The following CDH17 variants were observed in gnomAD, a reference collection of about 807,000 sequenced individuals.
CDH17 encodes cadherin-17.
CDH17 carries 67 observed loss-of-function variants against 86.3 expected under a neutral mutation model. The ratio of observed to expected loss-of-function variants is 0.78; its 90% CI spans 0.64 to 0.95. CDH17 has a LOEUF of 0.95. Ranked by LOEUF, CDH17 falls within the 40% of genes least tolerant of loss-of-function variation. The pLI is 0.00. For missense variants in CDH17, 993 were observed against 1,017.6 expected, an observed-to-expected ratio of 0.98 and a Z score of 0.33; for synonymous variants, 367 against 366.4, an observed-to-expected ratio of 1.00 and a Z score of -0.02.
chr8:94,147,959 C>G (rs528795696), intron 14 of CDH17, among the ~76,000 whole-genome samples: 2 of 152,166 alleles, frequency 1.3e-5, no homozygotes, highest in African/African-American at 4.8e-5. Context: ...ACAAGCTCCC[C>G]GGGGATTCTC....
chr8:94,135,574 A>C (rs1421323224), intron 15 of CDH17, among the ~76,000 whole-genome samples: 1 of 150,738 alleles, frequency 6.6e-6, no homozygotes, highest in Non-Finnish European at 1.5e-5. Context: ...TGGGTCTCCC[A>C]ACAGCACACT....
At chr8:94,166,000 A>C in intron 9 of CDH17, 24 bp from the exon 10 acceptor site, 1 of 1,402,804 alleles carries the variant, frequency 7.1e-7, no homozygotes, top group Non-Finnish European at 1.0e-6. Context: ...AAGAAGGAAA[A>C]CCCACCATTA....
chr8:94,174,054 T>C (rs1229141556), intron 6 of CDH17, 48 bp downstream of exon 6: 1 of 1,609,300 alleles, frequency 6.2e-7, no homozygotes, highest in South Asian at 1.1e-5. Flanking sequence ...CAGACCAAAC[T>C]CCCTTTTTCT....
At chr8:94,210,201 T>C (rs1814098922), upstream of CDH17, among the ~76,000 whole-genome samples, 1 of 144,918 alleles carries the variant, frequency 6.9e-6, no homozygotes, top group African/African-American at 2.6e-5. Flanking sequence ...TCTGCCAGAT[T>C]TTTTTCCTTC....
chr8:94,197,275 G>A (rs1160299643), intron 1 of CDH17: 1 of 152,258 alleles, frequency 6.6e-6, no homozygotes, highest in Non-Finnish European at 1.5e-5. Flanking sequence ...GGAGGCAGAG[G>A]TTGCAGCCAG....
Position 94,148,886 on chromosome 8 carries a change from GA to G in CDH17, c.1797-13del. Reference sequence around the variant, plus strand: ...CCCTCAGTGAATAGCTTCATCAAATGAAAAGAGCAAAAGAAAGCCTGCATTA... The same window carrying G: ...CCCTCAGTGAATAGCTTCATCAAATGAAAGAGCAAAAGAAAGCCTGCATTA... On this transcript the variant is annotated splice_polypyrimidine_tract_variant and intron_variant, in intron 13 of 17. Transcript: ENST00000027335. 1 of 1,594,490 alleles carries G rather than the reference GA, an allele frequency of 6.3e-7. No individual in the cohort carries two copies. Among genetic ancestry groups the G allele is most frequent in the Non-Finnish European group, 8.5e-7 (1 of 1,174,336 alleles).
chr8:94,153,622 A>T (rs1237907342), intron 12 of CDH17, among the ~76,000 whole-genome samples: 2 of 152,240 alleles, frequency 1.3e-5, no homozygotes, highest in East Asian at 3.8e-4. Flanking sequence ...AAACAACTGG[A>T]TAAACAAAAT....
At chr8:94,152,307 A>G (rs1483521388) in intron 12 of CDH17, among the ~76,000 whole-genome samples, 195 bp from the exon 13 acceptor site, 1 of 152,256 alleles carries the variant, frequency 6.6e-6, no homozygotes, top group East Asian at 1.9e-4. Flanking sequence ...CAGACAAAAT[A>G]TAAGACCTGA....
intron 10 of CDH17, among the ~76,000 whole-genome samples, chr8:94,162,557 T>C (rs1303577184): frequency 6.6e-6 from 1 of 152,224 alleles, no homozygotes; most frequent in African/African-American, 2.4e-5. Flanking sequence ...TCTGTGAGCA[T>C]CCCAGTGGCT....
At chr8:94,172,318 CT>C (rs201546803) in intron 7 of CDH17, among the ~76,000 whole-genome samples, 3 of 151,982 alleles carry the variant, frequency 2.0e-5, no homozygotes, top group African/African-American at 4.8e-5. Flanking sequence ...GCTGTTCTTC[CT>C]TTTTTTTCCC....
Position 94,132,185 on chromosome 8 carries a change from A to T in CDH17, c.2168-1193T>A, listed in dbSNP as rs147962419. On this transcript the variant is annotated intron_variant, in intron 15 of 17. Coordinates refer to ENST00000027335, the MANE Select transcript of CDH17 (RefSeq NM_004063.4). ...TAGCATGGTTTATAATCCTTTGGGT[A>T]TATACCCAGTAATGGAATTGCTGGG... Among the ~76,000 whole-genome samples, 23 of 152,308 alleles carry T rather than the reference A, an allele frequency of 1.5e-4. 1 individual carries two copies. The Middle Eastern group carries it at 0.014, about 90-fold the overall frequency.
rs16916576 is a variant in CDH17, at chr8:94,128,176, T to C, written c.*64A>G. On this transcript the variant is annotated 3_prime_UTR_variant, in exon 18 of 18. Transcript: ENST00000027335. ...ATAATGCACGTTAGATGAAAAGTAA[T>C]AGGATGAGATGGTTGTTGCTGAAAT... is the stretch of plus-strand genomic sequence containing the variant. 5.7e-3 allele frequency: 5,552 copies of C among 974,910 alleles called. 186 individuals carry two copies. The African/African-American group carries it at 0.078, about 14-fold the overall frequency. The allele number at this position is 974,910 out of a possible 1,614,324, so 60.4% of individuals were successfully genotyped here. A position where few individuals can be genotyped will look rare whatever the true frequency, so the allele number is the denominator to read the frequency against.
chr8:94,145,054 G>A (rs1204303786), intron 15 of CDH17, among the ~76,000 whole-genome samples: 3 of 152,180 alleles, frequency 2.0e-5, no homozygotes, highest in Non-Finnish European at 4.4e-5. Context: ...ACACTGGTGG[G>A]AATGTAAAAT....
In CDH17 at chr8:94,162,109, T is replaced by G. The variant is rs1337646552; in HGVS notation, c.1336A>C (p.Ile446Leu). The G allele has an allele frequency of 6.2e-7, 1 of 1,603,340 alleles. No individual in the cohort carries two copies. Among genetic ancestry groups the G allele is most frequent in the East Asian group, 2.2e-5 (1 of 44,784 alleles). ...QINVIDINDQ[I>L]PIFEKSDYGN... The stretch of plus-strand genomic sequence containing the variant: ...ACATCTGATTTTTCAAAGATGGGGA[T>G]CTGATCATTGATATCAATAACGTTG... Residue 446 changes from isoleucine to leucine, a missense_variant, in exon 11 of 18, where the codon ATC becomes CTC. Physicochemically the swap from Ile to Leu is conservative, Grantham distance 5 (BLOSUM62 2). Transcript: ENST00000027335.
Position 94,177,699 on chromosome 8 carries a change from ACAG to A in CDH17, c.170_172del (p.Ala57del). On this transcript the variant is annotated inframe_deletion, in exon 4 of 18. Transcript: ENST00000027335. ...TGTCTCCCCAGTTAGTTCAAAAGTC[ACAG>A]CAGGAGGATTGGCCTTAAACTGGGG... 1 of 1,613,782 alleles carries A rather than the reference ACAG, an allele frequency of 6.2e-7. No homozygotes were observed. Among genetic ancestry groups the A allele is most frequent in the Non-Finnish European group, 8.5e-7 (1 of 1,179,806 alleles).
rs1812866414 is a variant in CDH17, at chr8:94,152,050, A to G, written c.1614T>C (p.Pro538=). 10 of 1,614,170 alleles carry G rather than the reference A, an allele frequency of 6.2e-6. No individual in the cohort carries two copies. Among genetic ancestry groups the G allele is most frequent in the Non-Finnish European group, 8.5e-6 (10 of 1,180,010 alleles). ...CATTGTACTTCACACCAAACACTAG[A>G]GGCTCAGGATTTTCTGCTTTGAACA... ...NIVFKAENPE[P]LVFGVKYNAS... The change falls in exon 13 of 18, where the codon CCT becomes CCC. Residue 538 remains proline, a synonymous_variant. Transcript: ENST00000027335.
At position 94,165,608 on chromosome 8, in the gene CDH17, C is replaced by T. The variant is rs566247929; in HGVS notation, c.1282+153G>A. On this transcript the variant is annotated intron_variant, in intron 10 of 17. Transcript: ENST00000027335. ...AGCTCCGGCCTTTACAGTGTTCAAC[C>T]AGCTATCTCTGTGTTATGTGTGTTT... 3.3e-5 allele frequency among the ~76,000 whole-genome samples: 5 copies of T among 152,320 alleles called. No homozygotes were observed. In the East Asian group the frequency reaches 9.6e-4, roughly 29 times the overall value.
At chr8:94,189,780 G>A (rs1173278077) in intron 2 of CDH17, among the ~76,000 whole-genome samples, 1 of 152,154 alleles carries the variant, frequency 6.6e-6, no homozygotes, top group Middle Eastern at 3.2e-3. Flanking sequence ...AAATATAGAC[G>A]TATTTAGTAC....
At chr8:94,193,646 G>A (rs563494707) in intron 2 of CDH17, among the ~76,000 whole-genome samples, 1 of 152,282 alleles carries the variant, frequency 6.6e-6, no homozygotes, top group African/African-American at 2.4e-5. Flanking sequence ...GGGCATTTGA[G>A]GGGGTAGCAT....
Sources: allele counts gnomAD v4.1 joint callset (sites outside exome capture counted in the v4.1 genomes callset), GRCh38; gene constraint gnomAD v4.1.1; transcripts MANE v1.5; gene names NCBI Gene and HGNC (gene_info 2026-07-23, HGNC 2026-07-21).